The following SAXO1 variants were observed in gnomAD, a reference collection of about 807,000 sequenced individuals.
The protein encoded by SAXO1 is stabilizer of axonemal microtubules 1, also known as 4930500O09Rik.
SAXO1 carries 21 observed loss-of-function variants against 17.5 expected under a neutral mutation model. That is an observed-to-expected ratio of 1.20 (90% confidence interval 0.85 to 1.72). The LOEUF is 1.72. Ranked by LOEUF, SAXO1 falls within the 40% of genes most tolerant of loss-of-function variation. The probability of loss-of-function intolerance (pLI) is 0.00; values close to 1 mark genes in which losing one functional copy is unlikely to be tolerated. For synonymous variants in SAXO1, 274 were observed against 216.5 expected (o/e 1.27, Z -2.33); for missense variants, 843 against 596.0 (o/e 1.41, Z -4.32).
At chr9:18,944,218 G>T (rs1385713616) in intron 2 of SAXO1, among the ~76,000 whole-genome samples, 1 of 152,120 alleles carries the variant, frequency 6.6e-6, no homozygotes, top group African/African-American at 2.4e-5. Flanking sequence ...GGGGGAAGCG[G>T]TATCTACTTC....
At chr9:18,967,343 C>T (rs1330300611) in intron 1 of SAXO1, among the ~76,000 whole-genome samples, 3 of 152,202 alleles carry the variant, frequency 2.0e-5, no homozygotes. Context: ...AAGCTGCATC[C>T]ACAGCCACCC....
At chr9:19,003,794 G>A (rs776971501) in intron 1 of SAXO1, among the ~76,000 whole-genome samples, 1 of 152,114 alleles carries the variant, frequency 6.6e-6, no homozygotes, top group Non-Finnish European at 1.5e-5. Context: ...AAAAACCCTA[G>A]AAGAAAACCT....
chr9:18,929,166 A>T, intron 3 of SAXO1, 111 bp from the exon 4 acceptor site: 1 of 1,209,702 alleles, frequency 8.3e-7, no homozygotes, highest in South Asian at 1.5e-5. Context: ...GTTCTTTGAG[A>T]CAAAGAAAGA....
intron 1 of SAXO1, among the ~76,000 whole-genome samples, chr9:19,044,070 A>G (rs1276745117): frequency 6.6e-6 from 1 of 151,442 alleles, no homozygotes; most frequent in African/African-American, 2.4e-5. Flanking sequence ...ACTTGAACCC[A>G]GGAGGTAGAG....
chr9:18,986,654 G>A (rs958869272), intron 1 of SAXO1, among the ~76,000 whole-genome samples: 22 of 151,880 alleles, frequency 1.4e-4, no homozygotes, highest in Non-Finnish European at 2.9e-4. Context: ...TGTCTACAAA[G>A]ACTGAAAGAA....
chr9:18,982,399 C>A (rs1158055189), intron 1 of SAXO1, among the ~76,000 whole-genome samples: 1 of 152,100 alleles, frequency 6.6e-6, no homozygotes, highest in Non-Finnish European at 1.5e-5. Context: ...AATCTGGGGC[C>A]CTGCCAGGAG....
At chr9:18,981,227 G>C (rs1833371573) in intron 1 of SAXO1, among the ~76,000 whole-genome samples, 1 of 152,172 alleles carries the variant, frequency 6.6e-6, no homozygotes, top group Admixed American at 6.5e-5. Flanking sequence ...AGAAGGGAAA[G>C]AAAGGAAGAG....
At chr9:19,007,889 C>A (rs1314129193) in intron 1 of SAXO1, among the ~76,000 whole-genome samples, 2 of 151,996 alleles carry the variant, frequency 1.3e-5, no homozygotes, top group Non-Finnish European at 2.9e-5. Flanking sequence ...TTGTCTATGG[C>A]TACTTTTGTA....
intron 2 of SAXO1, among the ~76,000 whole-genome samples, chr9:18,942,472 C>T (rs1201676173): frequency 6.6e-6 from 1 of 152,150 alleles, no homozygotes; most frequent in Non-Finnish European, 1.5e-5. Context: ...CTTTCAGGTG[C>T]CGCTGCCACC....
At chr9:19,018,291 G>T (rs970712140) in intron 1 of SAXO1, among the ~76,000 whole-genome samples, 10 of 152,110 alleles carry the variant, frequency 6.6e-5, no homozygotes, top group African/African-American at 1.7e-4. Flanking sequence ...GGGAAGAAAA[G>T]CCTCTTAAAA....
intron 1 of SAXO1, among the ~76,000 whole-genome samples, chr9:18,976,579 C>G (rs989799834): frequency 2.6e-5 from 4 of 152,170 alleles, no homozygotes; most frequent in Non-Finnish European, 5.9e-5. Context: ...GCAACTATTC[C>G]TCTGGGGAAA....
intron 1 of SAXO1, among the ~76,000 whole-genome samples, chr9:18,989,130 A>G (rs1833705000): frequency 6.6e-6 from 1 of 152,216 alleles, no homozygotes; most frequent in Admixed American, 6.6e-5. Context: ...CATTACTTGG[A>G]AAATGGCAAA....
At chr9:19,006,073 A>G (rs1834471261) in intron 1 of SAXO1, among the ~76,000 whole-genome samples, 1 of 152,214 alleles carries the variant, frequency 6.6e-6, no homozygotes, top group Admixed American at 6.5e-5. Flanking sequence ...TCACAATCAA[A>G]TACCACTTCA....
Position 18,927,846 on chromosome 9 carries a change from G to T in SAXO1, c.*206C>A, listed in dbSNP as rs546921009. On this transcript the variant is annotated 3_prime_UTR_variant, in exon 4 of 4. Coordinates refer to ENST00000380534, the MANE Select transcript of SAXO1 (RefSeq NM_153707.4). Reference sequence around the variant, plus strand: ...GGGGTGGGGATGCAGTAAAGGAGAAGGTAAGGGGAGTTAATTAGCCGGTGA... The same window carrying T: ...GGGGTGGGGATGCAGTAAAGGAGAATGTAAGGGGAGTTAATTAGCCGGTGA... 5.3e-4 allele frequency: 294 copies of T among 551,864 alleles called. 3 individuals carry two copies. The South Asian group carries it at 9.0e-3, about 17-fold the overall frequency. 34.2% of individuals were successfully genotyped at this position (551,864 alleles called of 1,614,324 possible).
At chr9:19,030,960 G>A (rs113002433) in intron 1 of SAXO1, among the ~76,000 whole-genome samples, 66 of 152,290 alleles carry the variant, frequency 4.3e-4, no homozygotes, top group African/African-American at 1.5e-3. Flanking sequence ...ATAAAATGGA[G>A]GAGAAAATAC....
chr9:18,970,766 T>G (rs1047657432), intron 1 of SAXO1, among the ~76,000 whole-genome samples: 1 of 152,196 alleles, frequency 6.6e-6, no homozygotes, highest in East Asian at 1.9e-4. Context: ...ACAAGTATGC[T>G]TTTTATGACA....
chr9:18,983,494 A>G (rs1190668329), intron 1 of SAXO1, among the ~76,000 whole-genome samples: 3 of 152,214 alleles, frequency 2.0e-5, no homozygotes, highest in African/African-American at 7.2e-5. Flanking sequence ...ATAATATTCT[A>G]AATCCTTTGC....
intron 3 of SAXO1, among the ~76,000 whole-genome samples, chr9:18,940,112 G>C (rs569174726): frequency 2.2e-4 from 33 of 152,314 alleles, no homozygotes; most frequent in Admixed American, 1.6e-3. Flanking sequence ...CATGGGGAGG[G>C]ACAGACACAG....
At chr9:19,020,438 G>A (rs529453173) in intron 1 of SAXO1, among the ~76,000 whole-genome samples, 11 of 150,960 alleles carry the variant, frequency 7.3e-5, no homozygotes, top group South Asian at 2.1e-4. Flanking sequence ...TGCAACCTCC[G>A]CCTCCAAGGC....
Sources: allele counts gnomAD v4.1 joint callset (sites outside exome capture counted in the v4.1 genomes callset), GRCh38; gene constraint gnomAD v4.1.1; transcripts MANE v1.5; gene names NCBI Gene and HGNC (gene_info 2026-07-23, HGNC 2026-07-21).